Variants in SDHAF3 observed in about 807,000 individuals in gnomAD.
SDHAF3 encodes succinate dehydrogenase assembly factor 3, mitochondrial.
A neutral mutation model predicts 11.5 loss-of-function variants in SDHAF3; 18 were observed. That is an observed-to-expected ratio of 1.56 (90% confidence interval 1.08 to 2.32). SDHAF3 has a LOEUF of 2.32. Among genes scored for constraint, SDHAF3 ranks in the 30% most tolerant of loss-of-function variants. SDHAF3 has a pLI of 0.00. For synonymous variants in SDHAF3, 72 were observed against 59.3 expected, an observed-to-expected ratio of 1.21 and a Z score of -0.99; for missense variants, 200 against 154.4, an observed-to-expected ratio of 1.30 and a Z score of -1.57.
At chr7:97,142,033 A>C (rs543705469) in intron 1 of SDHAF3, among the ~76,000 whole-genome samples, 2 of 139,120 alleles carry the variant, frequency 1.4e-5, no homozygotes, top group Non-Finnish European at 3.0e-5. Flanking sequence ...GAAATGTGTG[A>C]ATTGTTGTCT....
intron 1 of SDHAF3, among the ~76,000 whole-genome samples, chr7:97,160,665 G>A (rs1032183736): frequency 6.6e-6 from 1 of 152,208 alleles, no homozygotes; most frequent in Non-Finnish European, 1.5e-5. Context: ...GAGATGCGCT[G>A]TAAGCGGTTG....
intron 1 of SDHAF3, among the ~76,000 whole-genome samples, chr7:97,163,792 A>G (rs1268996071): frequency 2.6e-5 from 4 of 151,992 alleles, no homozygotes; most frequent in South Asian, 4.2e-4. Flanking sequence ...ACTGGTACCA[A>G]TTGTTTCCTT....
In SDHAF3 at chr7:97,173,698, G is replaced by A. The variant is rs552666916; in HGVS notation, c.175-7314G>A. Among the ~76,000 whole-genome samples, 373 of 150,396 alleles carry A rather than the reference G, an allele frequency of 2.5e-3. 1 individual carries two copies. Among genetic ancestry groups the A allele is most frequent in the African/African-American group, 8.9e-3 (365 of 40,864 alleles). Reference sequence around the variant, plus strand: ...CTCCCGAATAGCTGGGACTACAGGCGCCCACCACCACGCCCGGCTAATTTT... The same window carrying A: ...CTCCCGAATAGCTGGGACTACAGGCACCCACCACCACGCCCGGCTAATTTT... On this transcript the variant is annotated intron_variant, in intron 1 of 1. Transcript: ENST00000432641.
chr7:97,170,115 T>TAACA (rs1789584286), intron 1 of SDHAF3, among the ~76,000 whole-genome samples: 1 of 151,700 alleles, frequency 6.6e-6, no homozygotes, highest in Non-Finnish European at 1.5e-5. Flanking sequence ...TTTTTTAACG[T>TAACA]AACAGCTTTA....
At chr7:97,165,784 T>TG (rs1789494652) in intron 1 of SDHAF3, among the ~76,000 whole-genome samples, 1 of 152,232 alleles carries the variant, frequency 6.6e-6, no homozygotes, top group Admixed American at 6.5e-5. Context: ...AGGTGAATTG[T>TG]GAATACAGGT....
At chr7:97,180,092 G>A (rs902855787) in intron 1 of SDHAF3, among the ~76,000 whole-genome samples, 1 of 152,170 alleles carries the variant, frequency 6.6e-6, no homozygotes, top group Non-Finnish European at 1.5e-5. Context: ...GGGATAGTTG[G>A]AATATTAGGC....
Position 97,181,044 on chromosome 7 carries a change from C to A in SDHAF3, c.207C>A (p.Asn69Lys). 6.2e-7 allele frequency: 1 copy of A among 1,613,834 alleles called. No homozygotes were observed. The highest frequency in any genetic ancestry group is 1.1e-5 in the South Asian group (1 of 91,060). The change falls in exon 2 of 2, where the codon AAC (asparagine) becomes AAA (lysine). Residue 69 changes from asparagine to lysine, a missense_variant. Coordinates refer to ENST00000432641, the MANE Select transcript of SDHAF3 (RefSeq NM_020186.3). The stretch of plus-strand genomic sequence containing the variant: ...CAACAGCGTTATTGCAACAGGCTAA[C>A]GAAAACAGACAAAATTCAACTGGAA... ...VYATALLQQA[N>K]ENRQNSTGKA...
At chr7:97,158,514 A>T (rs1409472064) in intron 1 of SDHAF3, among the ~76,000 whole-genome samples, 1 of 152,028 alleles carries the variant, frequency 6.6e-6, no homozygotes. Context: ...TTTAATAGAG[A>T]CGGGGTTTCA....
chr7:97,144,448 T>C (rs1002286784), intron 1 of SDHAF3, among the ~76,000 whole-genome samples: 4 of 152,334 alleles, frequency 2.6e-5, no homozygotes, highest in African/African-American at 7.2e-5. Context: ...TAGTTTCAGG[T>C]CTTAGGTTTA....
At chr7:97,147,865 T>TA (rs1789160395) in intron 1 of SDHAF3, among the ~76,000 whole-genome samples, 1 of 152,194 alleles carries the variant, frequency 6.6e-6, no homozygotes, top group African/African-American at 2.4e-5. Context: ...GTTATCACTG[T>TA]AAAAAATAAT....
At chr7:97,150,991 G>A (rs1181458310) in intron 1 of SDHAF3, among the ~76,000 whole-genome samples, 1 of 152,110 alleles carries the variant, frequency 6.6e-6, no homozygotes, top group Non-Finnish European at 1.5e-5. Flanking sequence ...AATATATTAA[G>A]ATTAGTTTTA....
At chr7:97,129,231 A>G (rs1322812346) in intron 1 of SDHAF3, among the ~76,000 whole-genome samples, 3 of 152,174 alleles carry the variant, frequency 2.0e-5, no homozygotes, top group Admixed American at 6.5e-5. Flanking sequence ...TTGGGAAATT[A>G]CTTTTAGGTT....
At chr7:97,136,240 T>G in intron 1 of SDHAF3, 1 of 438,832 alleles carries the variant, frequency 2.3e-6, no homozygotes, top group Non-Finnish European at 4.1e-6. Context: ...TAAACTGATT[T>G]TTTTTGAAAC....
intron 1 of SDHAF3, among the ~76,000 whole-genome samples, chr7:97,151,982 A>T (rs1421644430): frequency 5.3e-5 from 8 of 152,138 alleles, no homozygotes; most frequent in Non-Finnish European, 1.0e-4. Flanking sequence ...ACACATTAAG[A>T]TCACCCAGAG....
Position 97,144,295 on chromosome 7 carries a change from G to T in SDHAF3, c.174+26398G>T, listed in dbSNP as rs568964887. Among the ~76,000 whole-genome samples the T allele has an allele frequency of 2.0e-5, 3 of 151,964 alleles. No homozygotes were observed. The South Asian group carries it at 6.2e-4, about 32-fold the overall frequency. ...TCCCACTCTTGTGTGTTGTCTGTTT[G>T]CTGACTGTCCTTTTCTCTTCAGTTT... On this transcript the variant is annotated intron_variant, in intron 1 of 1. Coordinates refer to ENST00000432641, the MANE Select transcript of SDHAF3 (RefSeq NM_020186.3).
At chr7:97,150,971 TTTAAGAC>T (rs1365292594) in intron 1 of SDHAF3, among the ~76,000 whole-genome samples, 8 of 152,092 alleles carry the variant, frequency 5.3e-5, no homozygotes, top group Non-Finnish European at 1.2e-4. Context: ...GTTAGTGTGT[TTTAAGAC>T]TTAATATATT....
At chr7:97,148,930 C>CTTTTTTTTTTTTT (rs36056301) in intron 1 of SDHAF3, among the ~76,000 whole-genome samples, 1 of 139,306 alleles carries the variant, frequency 7.2e-6, no homozygotes. Context: ...AGATTTGTGT[C>CTTTTTTTTTTTTT]TTTTTTTTTT....
intron 1 of SDHAF3, among the ~76,000 whole-genome samples, chr7:97,173,900 ATTGT>A (rs1789642212): frequency 6.7e-6 from 1 of 148,520 alleles, no homozygotes; most frequent in Admixed American, 6.8e-5. Context: ...AAGTTTCCTG[ATTGT>A]TTTTGTTAGC....
chr7:97,170,910 T>C (rs1337482895), intron 1 of SDHAF3, among the ~76,000 whole-genome samples: 1 of 152,210 alleles, frequency 6.6e-6, no homozygotes, highest in African/African-American at 2.4e-5. Flanking sequence ...AAATAGCATG[T>C]ATAAGCTATC....
Sources: allele counts gnomAD v4.1 joint callset (sites outside exome capture counted in the v4.1 genomes callset), GRCh38; gene constraint gnomAD v4.1.1; transcripts MANE v1.5; gene names NCBI Gene and HGNC (gene_info 2026-07-23, HGNC 2026-07-21).